Variants in XRCC6 observed in about 807,000 individuals in gnomAD.
XRCC6 encodes DNA repair protein Ku70.
A neutral mutation model predicts 65.7 loss-of-function variants in XRCC6; 5 were observed. That is an observed-to-expected ratio of 0.08 (90% CI 0.04 to 0.16). The LOEUF is 0.16. Among genes scored for constraint, XRCC6 ranks in the 10% least tolerant of loss-of-function variants. The probability of loss-of-function intolerance (pLI) is 1.00; values close to 1 mark genes in which losing one functional copy is unlikely to be tolerated. For synonymous variants in XRCC6, 270 were observed against 270.6 expected (o/e 1.00, Z 0.02); for missense variants, 447 against 738.1 (o/e 0.61, Z 4.57).
rs575979810 is a variant in XRCC6 at position 41,647,747 on chromosome 22, T to C, written c.960+665T>C. 7.2e-5 allele frequency among the ~76,000 whole-genome samples: 11 copies of C among 152,124 alleles called. No homozygotes were observed. In the South Asian group the frequency reaches 1.7e-3, roughly 23 times the overall value. On this transcript the variant is annotated intron_variant, in intron 7 of 12. Transcript: ENST00000360079. ...TTTTTTTGTTTCGTTTTGTTTTGTT[T>C]TGTTTAATAGAGATGAGGTCTCACT...
chr22:41,627,400 C>G (rs549909260), intron 2 of XRCC6, among the ~76,000 whole-genome samples: 1 of 151,816 alleles, frequency 6.6e-6, no homozygotes, highest in African/African-American at 2.4e-5. Context: ...CACCTGAGGC[C>G]GGGAGTTCAA....
Position 41,637,705 on chromosome 22 carries a change from C to T in XRCC6, c.687C>T (p.Leu229=). 1 of 1,613,796 alleles carries T rather than the reference C, an allele frequency of 6.2e-7. No homozygotes were observed. The highest frequency in any genetic ancestry group is 8.5e-7 in the Non-Finnish European group (1 of 1,179,926). The change falls in exon 6 of 13, where the codon CTC becomes CTT. Residue 229 remains leucine, a synonymous_variant. Coordinates refer to ENST00000360079, the MANE Select transcript of XRCC6 (RefSeq NM_001469.5). Reference sequence around the variant, plus strand: ...TCAGCATAGCAGAGGATGAGGACCTCAGGGTTCACTTTGAGGAATCCAGCA... The same window carrying T: ...TCAGCATAGCAGAGGATGAGGACCTTAGGGTTCACTTTGAGGAATCCAGCA... ...DIISIAEDED[L]RVHFEESSKL... is the part of the protein sequence containing the mutation.
chr22:41,632,120 AAG>A (rs1491400005), intron 3 of XRCC6, among the ~76,000 whole-genome samples: 1 of 150,512 alleles, frequency 6.6e-6, no homozygotes, highest in Admixed American at 6.6e-5. Flanking sequence ...AGACCGTGGA[AAG>A]AGAGGGAGAG....
intron 8 of XRCC6, among the ~76,000 whole-genome samples, chr22:41,652,759 C>T (rs1285197364): frequency 6.6e-6 from 1 of 152,036 alleles, no homozygotes. Flanking sequence ...CTGCAAGCTC[C>T]GCCTCCTGAA....
chr22:41,661,377 T>C lies in XRCC6; in HGVS notation c.1569T>C (p.Asp523=). 1 of 1,614,050 alleles carries C rather than the reference T, an allele frequency of 6.2e-7. No individual in the cohort carries two copies. Among genetic ancestry groups the C allele is most frequent in the East Asian group, 2.2e-5 (1 of 44,880 alleles). ...ATAAAAGACTGGGCTCCTTGGTGGA[T>C]GAGTTTAAGGAGCTTGTTTACCCAC... ...AMNKRLGSLV[D]EFKELVYPPD... The change falls in exon 12 of 13, where the codon GAT becomes GAC. Residue 523 remains aspartate (D), a synonymous_variant. Coordinates refer to ENST00000360079, the MANE Select transcript of XRCC6 (RefSeq NM_001469.5).
chr22:41,637,917 G>C, intron 6 of XRCC6, 126 bp downstream of exon 6: 1 of 1,005,938 alleles, frequency 9.9e-7, no homozygotes, highest in Non-Finnish European at 1.4e-6. Context: ...TTGAGCCTAG[G>C]AGTTGAGACC....
In XRCC6 at chr22:41,663,755, G is replaced by C; in HGVS notation, c.1770G>C (p.Leu590=). 1 of 1,613,930 alleles carries C rather than the reference G, an allele frequency of 6.2e-7. No homozygotes were observed. Among genetic ancestry groups the C allele is most frequent in the Non-Finnish European group, 8.5e-7 (1 of 1,179,872 alleles). Residue 590 remains leucine, a synonymous_variant, in exon 13 of 13, where the codon CTG becomes CTC. Coordinates refer to ENST00000360079, the MANE Select transcript of XRCC6 (RefSeq NM_001469.5). The part of the protein sequence containing the change: ...MLKEACRAYG[L]KSGLKKQELL... ...AAGAGGCCTGCCGGGCTTACGGGCT[G>C]AAGAGTGGGCTGAAGAAGCAGGAGC...
intron 10 of XRCC6, among the ~76,000 whole-genome samples, chr22:41,657,786 C>T (rs2068059186): frequency 6.6e-6 from 1 of 152,002 alleles, no homozygotes; most frequent in Admixed American, 6.6e-5. Flanking sequence ...TCTCAAAGTG[C>T]TGGATTACAG....
chr22:41,626,429 C>T (rs1277518712), intron 2 of XRCC6, among the ~76,000 whole-genome samples: 1 of 152,132 alleles, frequency 6.6e-6, no homozygotes, highest in Non-Finnish European at 1.5e-5. Flanking sequence ...GCGTGAGCCA[C>T]TGTGCCCAGC....
At chr22:41,651,870 G>A (rs1055883506) in intron 8 of XRCC6, among the ~76,000 whole-genome samples, 4 of 151,830 alleles carry the variant, frequency 2.6e-5, no homozygotes, top group Admixed American at 1.3e-4. Context: ...TGCAATCTCC[G>A]TCCCCTGGGT....
intron 6 of XRCC6, among the ~76,000 whole-genome samples, chr22:41,644,164 A>G (rs919387666): frequency 3.3e-5 from 5 of 152,018 alleles, no homozygotes; most frequent in African/African-American, 1.2e-4. Flanking sequence ...AAAAAGAAAA[A>G]TGTTTTCCTC....
intron 6 of XRCC6, among the ~76,000 whole-genome samples, chr22:41,642,968 T>A (rs1320817702): frequency 6.6e-6 from 1 of 152,250 alleles, no homozygotes; most frequent in African/African-American, 2.4e-5. Flanking sequence ...TTTGTGGCTC[T>A]GCTCAAAACC....
chr22:41,639,324 T>TTCTTC, intron 6 of XRCC6, among the ~76,000 whole-genome samples: 1 of 113,574 alleles, frequency 8.8e-6, no homozygotes, highest in Non-Finnish European at 1.8e-5. Flanking sequence ...TGCTAGATTC[T>TTCTTC]TTTTCTTTTT....
In XRCC6 at chr22:41,658,232, T is replaced by A. The variant is rs752760439; in HGVS notation, c.1422-20T>A. ...TTTAAATTGTCATGTTTCAGTTGAG[T>A]TACATTATTGTTTTAACAGAAGTGA... On this transcript the variant is annotated intron_variant, in intron 10 of 12. Coordinates refer to ENST00000360079, the MANE Select transcript of XRCC6 (RefSeq NM_001469.5). 3 of 1,610,252 alleles carry A rather than the reference T, an allele frequency of 1.9e-6. No homozygotes were observed. The highest frequency in any genetic ancestry group is 1.1e-5 in the South Asian group (1 of 90,960).
In XRCC6 at chr22:41,647,081, A is replaced by T; in HGVS notation, c.959A>T (p.Gln320Leu). Residue 320 changes from glutamine to leucine, a missense_variant and splice_region_variant, in exon 7 of 13, where the codon CAG becomes CTG. Coordinates refer to ENST00000360079, the MANE Select transcript of XRCC6 (RefSeq NM_001469.5). ...LLLPSDTKRS[Q>L]IYGSRQIILE... ...CTGCCTAGCGATACCAAGAGGTCTC[A>T]GGTAGGTAGAGATGCCTTTTGTTGT... The T allele has an allele frequency of 6.2e-7, 1 of 1,613,364 alleles. No individual in the cohort carries two copies. The highest frequency in any genetic ancestry group is 8.5e-7 in the Non-Finnish European group (1 of 1,179,736).
At chr22:41,659,955 G>T (rs2068084538) in intron 11 of XRCC6, among the ~76,000 whole-genome samples, 1 of 152,206 alleles carries the variant, frequency 6.6e-6, no homozygotes, top group Admixed American at 6.5e-5. Context: ...CAAAGTGCTG[G>T]GATTACAGGC....
chr22:41,663,610 C>T lies in XRCC6; in HGVS notation c.1637-12C>T. ...GCATTTCCAGTCACTCTCTCCTGAC[C>T]TTTCCCCCCAGATAATGAAGGTTCT... On this transcript the variant is annotated splice_polypyrimidine_tract_variant and intron_variant, in intron 12 of 12. Coordinates refer to ENST00000360079, the MANE Select transcript of XRCC6 (RefSeq NM_001469.5). 3.1e-6 allele frequency: 5 copies of T among 1,608,992 alleles called. No individual in the cohort carries two copies. The highest frequency in any genetic ancestry group is 4.3e-6 in the Non-Finnish European group (5 of 1,176,106).
chr22:41,661,314 G>T lies in XRCC6; in HGVS notation c.1523-17G>T. ...TCGTGACTCACCAGGCCACTCTTCT[G>T]TGTTTTGATTTTCTAGTGCCCAAGG... On this transcript the variant is annotated splice_polypyrimidine_tract_variant and intron_variant, in intron 11 of 12. Coordinates refer to ENST00000360079, the MANE Select transcript of XRCC6 (RefSeq NM_001469.5). The T allele has an allele frequency of 4.3e-6, 7 of 1,609,308 alleles. No individual in the cohort carries two copies. The highest frequency in any genetic ancestry group is 1.3e-5 in the African/African-American group (1 of 74,822).
In XRCC6 at chr22:41,626,784, T is replaced by G. The variant is rs535453992; in HGVS notation, c.83-1334T>G. On this transcript the variant is annotated intron_variant, in intron 2 of 12. Transcript: ENST00000360079. ...TCCCGAGTAGCTGGGACTGCAGGTG[T>G]CCACCACCACGCCCAGCTAATTTTT... Among the ~76,000 whole-genome samples the G allele has an allele frequency of 7.6e-4, 116 of 152,092 alleles. 1 individual carries two copies. The East Asian group carries it at 0.013, about 16-fold the overall frequency.
Sources: gnomAD v4.1 joint callset for allele counts (sites outside exome capture counted in the v4.1 genomes callset) on GRCh38, gnomAD v4.1.1 for gene constraint, MANE v1.5 for transcripts, NCBI Gene and HGNC (gene_info 2026-07-23, HGNC 2026-07-21) for gene names.